Variants in NDST3 observed in about 807,000 individuals in gnomAD.
NDST3 encodes the protein N-deacetylase and N-sulfotransferase 3.
Under a neutral mutation model 96.1 loss-of-function variants are expected in NDST3, and 58 were observed. The observed-to-expected ratio is 0.60, with a 90% CI of 0.49 to 0.75. The LOEUF (loss-of-function observed/expected upper bound fraction) is 0.75, where lower values mean the gene tolerates loss of function less well. NDST3 is among the 30% of genes least tolerant of loss of function. NDST3 has a pLI of 0.00. For synonymous variants in NDST3, 333 were observed against 359.7 expected (o/e 0.93, Z 0.84); for missense variants, 788 against 1,034.2 (o/e 0.76, Z 3.27).
chr4:118,061,607 T>A (rs1560614626), intron 2 of NDST3, among the ~76,000 whole-genome samples: 1 of 152,172 alleles, frequency 6.6e-6, no homozygotes, highest in Non-Finnish European at 1.5e-5. Flanking sequence ...GCAAAAATAA[T>A]TGTGGTTTTT....
At chr4:118,251,125 A>ATTTTTTTTTTTTTTTTTTTTTTTTTTTTT (rs370800744) in intron 12 of NDST3, among the ~76,000 whole-genome samples, 1 of 111,742 alleles carries the variant, frequency 8.9e-6, no homozygotes. Context: ...TATTATTTTT[A>ATTTTTTTTTTTTTTTTTTTTTTTTTTTTT]TTTTATTTTT....
intron 6 of NDST3, among the ~76,000 whole-genome samples, chr4:118,202,767 A>G (rs919150512): frequency 1.2e-4 from 18 of 152,166 alleles, no homozygotes; most frequent in Admixed American, 8.5e-4. Context: ...GCAAACAGGG[A>G]GAGTTTGACT....
intron 6 of NDST3, among the ~76,000 whole-genome samples, chr4:118,211,037 C>A (rs796871601): frequency 2.3e-4 from 35 of 152,298 alleles, no homozygotes; most frequent in African/African-American, 8.2e-4. Context: ...AAATCACCCA[C>A]TGGAGAACAG....
intron 4 of NDST3, among the ~76,000 whole-genome samples, chr4:118,120,274 G>GTGTGA (rs1280320067): frequency 2.0e-5 from 3 of 152,100 alleles, no homozygotes; most frequent in African/African-American, 4.8e-5. Context: ...AAGAGAGGGA[G>GTGTGA]TGTGCCACAA....
At chr4:118,077,599 C>G (rs1412095195) in intron 2 of NDST3, among the ~76,000 whole-genome samples, 1 of 152,176 alleles carries the variant, frequency 6.6e-6, no homozygotes, top group Non-Finnish European at 1.5e-5. Context: ...CAGGCAGGGA[C>G]CACGTTTGGC....
intron 4 of NDST3, among the ~76,000 whole-genome samples, chr4:118,127,224 T>C (rs1469003100): frequency 6.6e-6 from 1 of 152,054 alleles, no homozygotes; most frequent in Non-Finnish European, 1.5e-5. Flanking sequence ...CCATTTTTTG[T>C]TGGTTGCCTG....
chr4:118,145,907 A>G (rs1733906346), intron 6 of NDST3, among the ~76,000 whole-genome samples: 1 of 152,202 alleles, frequency 6.6e-6, no homozygotes, highest in African/African-American at 2.4e-5. Flanking sequence ...ACTGGAAGCA[A>G]TTCTACTCAC....
intron 12 of NDST3, 88 bp from the exon 13 acceptor site, chr4:118,253,411 C>A: frequency 1.3e-6 from 1 of 760,978 alleles, no homozygotes. Flanking sequence ...GTATTGGTCA[C>A]TATATCATAT....
chr4:118,108,090 C>T (rs989480931), intron 3 of NDST3, among the ~76,000 whole-genome samples: 3 of 152,120 alleles, frequency 2.0e-5, no homozygotes, highest in Admixed American at 1.3e-4. Flanking sequence ...ATTTATAAAA[C>T]CATAAAATCT....
intron 6 of NDST3, among the ~76,000 whole-genome samples, chr4:118,195,713 C>A (rs993104948): frequency 6.6e-6 from 1 of 152,186 alleles, no homozygotes; most frequent in Non-Finnish European, 1.5e-5. Context: ...TTGTATCCTG[C>A]AACTTTACAA....
chr4:118,191,930 A>G (rs748314101), intron 6 of NDST3, among the ~76,000 whole-genome samples: 6 of 152,108 alleles, frequency 3.9e-5, no homozygotes, highest in Admixed American at 6.5e-5. Context: ...CTTTTCTCCA[A>G]TTCCTCACCA....
chr4:118,142,913 T>C (rs1197743753), intron 5 of NDST3, among the ~76,000 whole-genome samples: 1 of 152,184 alleles, frequency 6.6e-6, no homozygotes, highest in Non-Finnish European at 1.5e-5. Flanking sequence ...ATCATTTTGT[T>C]GTTACACTTT....
intron 6 of NDST3, among the ~76,000 whole-genome samples, chr4:118,209,275 C>A (rs754270990): frequency 9.2e-5 from 14 of 152,148 alleles, no homozygotes; most frequent in Non-Finnish European, 1.9e-4. Context: ...ATTTTTAAAT[C>A]TATCATAAGA....
intron 2 of NDST3, among the ~76,000 whole-genome samples, chr4:118,094,167 T>G (rs905002489): frequency 2.6e-5 from 4 of 151,882 alleles, no homozygotes; most frequent in Non-Finnish European, 4.4e-5. Flanking sequence ...CAAAATTCAC[T>G]AACTTTACTA....
At chr4:118,228,556 C>A (rs1285486733) in intron 8 of NDST3, among the ~76,000 whole-genome samples, 1 of 152,074 alleles carries the variant, frequency 6.6e-6, no homozygotes, top group Non-Finnish European at 1.5e-5. Context: ...GAAATTGATT[C>A]TTTTTTATAG....
intron 2 of NDST3, among the ~76,000 whole-genome samples, chr4:118,070,340 C>T (rs1354033767): frequency 2.0e-5 from 3 of 152,066 alleles, no homozygotes; most frequent in Admixed American, 1.3e-4. Flanking sequence ...TCCCATCCTT[C>T]CTCCACATGG....
intron 2 of NDST3, among the ~76,000 whole-genome samples, chr4:118,095,416 GAC>G (rs1729214619): frequency 6.6e-6 from 1 of 151,806 alleles, no homozygotes; most frequent in Admixed American, 6.6e-5. Flanking sequence ...GCTACTTCTG[GAC>G]AGTTTTCTTA....
Position 118,067,333 on chromosome 4 carries a change from G to T in NDST3, c.981+12442G>T, listed in dbSNP as rs140053431. ...GGATCTCGACATAATTTGCTAATCT[G>T]CTCTAGAAATGCAATAAGTATTTAA... On this transcript the variant is annotated intron_variant, in intron 2 of 13. Coordinates refer to ENST00000296499, the MANE Select transcript of NDST3 (RefSeq NM_004784.3). 4.4e-3 allele frequency among the ~76,000 whole-genome samples: 665 copies of T among 152,120 alleles called. 5 individuals are homozygous for T. The highest frequency in any genetic ancestry group is 0.015 in the African/African-American group (629 of 41,508).
At chr4:118,079,011 C>G (rs1309884766) in intron 2 of NDST3, among the ~76,000 whole-genome samples, 2 of 152,128 alleles carry the variant, frequency 1.3e-5, no homozygotes, top group Non-Finnish European at 2.9e-5. Flanking sequence ...GGAAGGAATA[C>G]TAAAATGAGT....
Sources: gnomAD v4.1 joint callset for allele counts (sites outside exome capture counted in the v4.1 genomes callset) on GRCh38, gnomAD v4.1.1 for gene constraint, MANE v1.5 for transcripts, NCBI Gene and HGNC (gene_info 2026-07-23, HGNC 2026-07-21) for gene names.